The following RBM47 variants were observed in gnomAD, a reference collection of about 807,000 sequenced individuals.
The protein encoded by RBM47 is RNA-binding protein 47.
In RBM47, 21 loss-of-function variants were observed where a neutral mutation model predicts 47.1. The observed-to-expected ratio is 0.45, with a 90% CI of 0.32 to 0.64. The LOEUF is 0.64. Ranked by LOEUF, RBM47 falls within the 30% of genes least tolerant of loss-of-function variation. The pLI is 0.05. For synonymous variants in RBM47, 375 were observed against 361.7 expected (o/e 1.04, Z -0.42); for missense variants, 708 against 870.9 (o/e 0.81, Z 2.35).
chr4:40,529,538 A>AAAAAAAT (rs1234246386), intron 2 of RBM47, among the ~76,000 whole-genome samples: 1 of 147,690 alleles, frequency 6.8e-6, no homozygotes, highest in Non-Finnish European at 1.5e-5. Flanking sequence ...AAAAAAAAAA[A>AAAAAAAT]AAAAAGCATC....
chr4:40,555,367 CCT>C (rs1729978074), intron 1 of RBM47, among the ~76,000 whole-genome samples: 1 of 152,104 alleles, frequency 6.6e-6, no homozygotes, highest in Non-Finnish European at 1.5e-5. Context: ...GCACCCAGCC[CCT>C]GACTTTCTAG....
Position 40,423,286 on chromosome 4 carries a change from T to C in RBM47, c.*2618A>G, listed in dbSNP as rs9998092. 9.2e-4 allele frequency: 140 copies of C among 152,330 alleles called. No homozygotes were observed. Among genetic ancestry groups the C allele is most frequent in the African/African-American group, 3.1e-3 (130 of 41,582 alleles). The allele number at this position is 152,330 out of a possible 1,614,324, so 9.4% of individuals were successfully genotyped here. A position where few individuals can be genotyped will look rare whatever the true frequency, so the allele number is the denominator to read the frequency against. On this transcript the variant is annotated 3_prime_UTR_variant, in exon 7 of 7. Coordinates refer to ENST00000295971, the MANE Select transcript of RBM47 (RefSeq NM_001098634.2). Reference sequence around the variant, plus strand: ...TTAAAATAAGGTCTTGCGATTGCTTTAAAGAAAGCTTTATTTACTACATAC... The same window carrying C: ...TTAAAATAAGGTCTTGCGATTGCTTCAAAGAAAGCTTTATTTACTACATAC...
intron 2 of RBM47, among the ~76,000 whole-genome samples, chr4:40,534,484 GC>G (rs1390628628): frequency 2.0e-5 from 3 of 152,118 alleles, no homozygotes; most frequent in Admixed American, 6.6e-5. Context: ...ACTCCGTATA[GC>G]TAAAATTCAG....
chr4:40,491,617 A>T (rs1721877866), intron 2 of RBM47: 1 of 153,812 alleles, frequency 6.5e-6, no homozygotes, highest in African/African-American at 2.4e-5. Flanking sequence ...ATATATAAAG[A>T]ACTCCTACAA....
rs368461852 is a variant in RBM47, at chr4:40,618,796, G to C, written c.-240+10600C>G. 1.4e-3 allele frequency among the ~76,000 whole-genome samples: 163 copies of C among 116,420 alleles called. 1 individual carries two copies. Among genetic ancestry groups the C allele is most frequent in the African/African-American group, 4.9e-3 (148 of 30,136 alleles). 76.4% of individuals were successfully genotyped at this position (116,420 alleles called of 152,430 possible). The stretch of plus-strand genomic sequence containing the variant: ...TGCACTCCAGCCTAGGCAACAGAGC[G>C]AGACTCCATCTCAAAAAAAAAAAAA... On this transcript the variant is annotated intron_variant, in intron 1 of 6. Transcript: ENST00000295971.
At chr4:40,540,598 C>T (rs554566692) in intron 2 of RBM47, among the ~76,000 whole-genome samples, 2 of 146,772 alleles carry the variant, frequency 1.4e-5, no homozygotes, top group South Asian at 4.3e-4. Context: ...AAGATCACGC[C>T]ATTGACTCCA....
At chr4:40,580,877 A>G (rs548682870) in intron 1 of RBM47, among the ~76,000 whole-genome samples, 8 of 152,378 alleles carry the variant, frequency 5.3e-5, no homozygotes, top group South Asian at 4.1e-4. Flanking sequence ...ATTTGTGCTG[A>G]GAGTTGAACA....
intron 1 of RBM47, among the ~76,000 whole-genome samples, chr4:40,573,828 A>AAAGAAAGT (rs1732026056): frequency 6.6e-6 from 1 of 151,910 alleles, no homozygotes; most frequent in Non-Finnish European, 1.5e-5. Context: ...AGAAAGAAAG[A>AAAGAAAGT]AAGAAAGAGA....
In RBM47 at chr4:40,502,918, T is replaced by C. The variant is rs572999144; in HGVS notation, c.-154-36219A>G. On this transcript the variant is annotated intron_variant, in intron 2 of 6. Transcript: ENST00000295971. ...ACTTTGGGAGGCCAAGGCAGGATGATTGCTTGAGGCTAGGAGTTCAAGACC... is the reference window on the plus strand; with the variant it reads ...ACTTTGGGAGGCCAAGGCAGGATGACTGCTTGAGGCTAGGAGTTCAAGACC... Among the ~76,000 whole-genome samples, 5 of 151,364 alleles carry C rather than the reference T, an allele frequency of 3.3e-5. No homozygotes were observed. The South Asian group carries it at 1.0e-3, about 32-fold the overall frequency.
chr4:40,486,218 G>A (rs570011746), intron 2 of RBM47, among the ~76,000 whole-genome samples: 1 of 151,762 alleles, frequency 6.6e-6, no homozygotes, highest in East Asian at 1.9e-4. Flanking sequence ...TCCAAGAACT[G>A]AGCATTAAAT....
At chr4:40,518,631 G>A (rs1039288648) in intron 2 of RBM47, among the ~76,000 whole-genome samples, 1 of 152,006 alleles carries the variant, frequency 6.6e-6, no homozygotes, top group Non-Finnish European at 1.5e-5. Flanking sequence ...GGTCCCAGTT[G>A]GAGCCCTTCT....
At chr4:40,433,520 G>A (rs962207028) in intron 5 of RBM47, among the ~76,000 whole-genome samples, 2 of 152,158 alleles carry the variant, frequency 1.3e-5, no homozygotes, top group African/African-American at 2.4e-5. Flanking sequence ...CTCTGACTAT[G>A]GGAAAACAGG....
chr4:40,579,920 T>A (rs765121948), intron 1 of RBM47, among the ~76,000 whole-genome samples: 27 of 152,144 alleles, frequency 1.8e-4, no homozygotes, highest in Non-Finnish European at 2.6e-4. Flanking sequence ...TCTATTTTTT[T>A]AAATTATTTT....
chr4:40,512,317 G>C (rs1020815179), intron 2 of RBM47, among the ~76,000 whole-genome samples: 1 of 151,082 alleles, frequency 6.6e-6, no homozygotes, highest in Non-Finnish European at 1.5e-5. Context: ...GGGAGGCTGA[G>C]GCAGGAGAAT....
intron 2 of RBM47, among the ~76,000 whole-genome samples, chr4:40,524,441 T>A (rs1726506184): frequency 6.6e-6 from 1 of 152,224 alleles, no homozygotes; most frequent in African/African-American, 2.4e-5. Context: ...CATATTTTCA[T>A]CTCACATTTT....
intron 1 of RBM47, among the ~76,000 whole-genome samples, chr4:40,572,299 C>T (rs1731804731): frequency 6.6e-6 from 1 of 150,674 alleles, no homozygotes; most frequent in Admixed American, 6.6e-5. Flanking sequence ...AGGAGAATTG[C>T]TTGAAGCCAG....
chr4:40,484,682 T>A (rs1396254687), intron 2 of RBM47, among the ~76,000 whole-genome samples: 1 of 152,220 alleles, frequency 6.6e-6, no homozygotes, highest in Non-Finnish European at 1.5e-5. Context: ...GATACACAGC[T>A]ACACACAAAA....
chr4:40,617,830 C>A (rs1010057607), intron 1 of RBM47, among the ~76,000 whole-genome samples: 8 of 150,618 alleles, frequency 5.3e-5, no homozygotes, highest in Non-Finnish European at 1.0e-4. Flanking sequence ...TTCCTATACA[C>A]CCTAGATACT....
At chr4:40,508,811 C>T (rs61698614) in intron 2 of RBM47, among the ~76,000 whole-genome samples, 24,082 of 152,158 alleles carry the variant, frequency 0.16, 2,244 homozygotes, top group East Asian at 0.26. Context: ...AGCTGTGTAC[C>T]TAACAGTCGT....
Sources: gnomAD v4.1 joint callset for allele counts (sites outside exome capture counted in the v4.1 genomes callset) on GRCh38, gnomAD v4.1.1 for gene constraint, MANE v1.5 for transcripts, NCBI Gene and HGNC (gene_info 2026-07-23, HGNC 2026-07-21) for gene names.